Variants in MECOM observed in about 807,000 individuals in gnomAD.
MECOM encodes the protein histone-lysine N-methyltransferase MECOM.
Under a neutral mutation model 116.3 loss-of-function variants are expected in MECOM, and 13 were observed. The ratio of observed to expected loss-of-function variants is 0.11; its 90% CI spans 0.07 to 0.18. MECOM has a LOEUF of 0.18. Ranked by LOEUF, MECOM falls within the 10% of genes least tolerant of loss-of-function variation. The probability of loss-of-function intolerance (pLI) is 1.00; values close to 1 mark genes in which losing one functional copy is unlikely to be tolerated. For missense variants in MECOM, 1,299 were observed against 1,509.0 expected, an observed-to-expected ratio of 0.86 and a Z score of 2.31; for synonymous variants, 528 against 535.2, an observed-to-expected ratio of 0.99 and a Z score of 0.19.
At chr3:169,632,442 C>T (rs1466935856) in intron 1 of MECOM, among the ~76,000 whole-genome samples, 1 of 152,028 alleles carries the variant, frequency 6.6e-6, no homozygotes, top group Non-Finnish European at 1.5e-5. Context: ...ATGACTCAAA[C>T]TCCAAAGAGG....
chr3:169,426,199 T>A (rs1740654759), intron 1 of MECOM, among the ~76,000 whole-genome samples: 2 of 152,196 alleles, frequency 1.3e-5, no homozygotes, highest in Admixed American at 1.3e-4. Flanking sequence ...GTAACACAGA[T>A]TTCTTTTTGC....
At chr3:169,168,172 T>G (rs553174180) in intron 2 of MECOM, among the ~76,000 whole-genome samples, 3 of 152,214 alleles carry the variant, frequency 2.0e-5, no homozygotes, top group East Asian at 3.9e-4. Context: ...ATGCCAATAG[T>G]TTTTTACCTT....
rs1180332102 is a variant in MECOM at position 169,186,378 on chromosome 3, AAGGGAGGGAGGGAGGGAGGGAGGG to A, written c.376-42570_376-42547del. On this transcript the variant is annotated intron_variant, in intron 2 of 16. Coordinates refer to ENST00000651503, the MANE Select transcript of MECOM (RefSeq NM_004991.4). ...GAAGGAAGGAAGGAAGGAAGGAAGG[AAGGGAGGGAGGGAGGGAGGGAGGG>A]AGGGAGGGAGGGAGGGAGGAAACTA... Among the ~76,000 whole-genome samples the A allele has an allele frequency of 6.5e-4, 26 of 39,766 alleles. 1 individual carries two copies. Among genetic ancestry groups the A allele is most frequent in the South Asian group, 2.8e-3 (3 of 1,076 alleles). The allele number at this position is 39,766 out of a possible 152,430, so 26.1% of individuals were successfully genotyped here. A position where few individuals can be genotyped will look rare whatever the true frequency, so the allele number is the denominator to read the frequency against.
At chr3:169,472,642 GGAAAGGAAAA>G (rs1749693305) in intron 1 of MECOM, among the ~76,000 whole-genome samples, 2 of 78,070 alleles carry the variant, frequency 2.6e-5, no homozygotes, top group Non-Finnish European at 4.6e-5. Flanking sequence ...GAAAAGGAAA[GGAAAGGAAAA>G]GAAAAGAAAG....
In MECOM at chr3:169,116,583, T is replaced by G. The variant is rs1324591423; in HGVS notation, c.1289A>C (p.Lys430Thr). Residue 430 changes from lysine (K) to threonine (T), a missense_variant, in exon 8 of 17, where the codon AAG (lysine) becomes ACG (threonine). Transcript: ENST00000651503. ...AAATCCACCTGCCGCAAAATGGTTCTTGCCCTCACAAAACCTCCTGTGTTT... is the reference window on the plus strand; with the variant it reads ...AAATCCACCTGCCGCAAAATGGTTCGTGCCCTCACAAAACCTCCTGTGTTT... ...LNKHRRFCEG[K>T]NHFAAGGFFG... The G allele has an allele frequency of 8.1e-6, 13 of 1,614,098 alleles. No homozygotes were observed. Among genetic ancestry groups the G allele is most frequent in the Non-Finnish European group, 1.0e-5 (12 of 1,180,036 alleles).
intron 2 of MECOM, among the ~76,000 whole-genome samples, chr3:169,210,492 T>C (rs763134336): frequency 6.6e-6 from 1 of 152,188 alleles, no homozygotes; most frequent in Non-Finnish European, 1.5e-5. Context: ...AGTGACATTT[T>C]CACTGACATG....
intron 2 of MECOM, among the ~76,000 whole-genome samples, chr3:169,363,492 G>A (rs543195411): frequency 2.0e-5 from 3 of 151,874 alleles, no homozygotes; most frequent in African/African-American, 4.8e-5. Flanking sequence ...CTTCTTGAGC[G>A]ATCAAGGCAC....
At chr3:169,159,275 T>G (rs1742469042) in intron 2 of MECOM, among the ~76,000 whole-genome samples, 1 of 152,176 alleles carries the variant, frequency 6.6e-6, no homozygotes, top group South Asian at 2.1e-4. Context: ...TCTCTAAAAT[T>G]GCAGGCCAGG....
intron 1 of MECOM, among the ~76,000 whole-genome samples, chr3:169,633,890 T>A (rs1772390940): frequency 8.2e-6 from 1 of 122,218 alleles, no homozygotes; most frequent in African/African-American, 3.2e-5. Flanking sequence ...AGGTAAACAG[T>A]AGTGACCCTG....
intron 1 of MECOM, among the ~76,000 whole-genome samples, chr3:169,480,553 G>A (rs541719666): frequency 6.6e-5 from 10 of 151,824 alleles, no homozygotes; most frequent in South Asian, 6.3e-4. Context: ...ACCTCTTTAC[G>A]TAAATAAGTT....
intron 1 of MECOM, among the ~76,000 whole-genome samples, chr3:169,408,364 G>A (rs763819089): frequency 7.2e-5 from 11 of 152,092 alleles, no homozygotes; most frequent in Admixed American, 2.0e-4. Flanking sequence ...ATAATCAATC[G>A]ACATGCGAGG....
intron 2 of MECOM, among the ~76,000 whole-genome samples, chr3:169,177,777 G>A (rs1185222618): frequency 2.0e-5 from 3 of 151,818 alleles, no homozygotes; most frequent in Non-Finnish European, 4.4e-5. Context: ...AAATAGCTGG[G>A]CATGTTGGCA....
At chr3:169,469,927 C>T (rs765288395) in intron 1 of MECOM, among the ~76,000 whole-genome samples, 10 of 152,152 alleles carry the variant, frequency 6.6e-5, no homozygotes, top group South Asian at 6.2e-4. Flanking sequence ...TAACCCCCAA[C>T]CAGAGAACGT....
chr3:169,558,436 A>AC (rs1762282112), intron 1 of MECOM, among the ~76,000 whole-genome samples: 1 of 152,084 alleles, frequency 6.6e-6, no homozygotes, highest in South Asian at 2.1e-4. Context: ...TCTCTTTCGG[A>AC]CCCCAAGGCA....
intron 1 of MECOM, among the ~76,000 whole-genome samples, chr3:169,385,430 T>C (rs560495243): frequency 2.0e-5 from 3 of 152,158 alleles, no homozygotes; most frequent in South Asian, 4.2e-4. Flanking sequence ...TAAATATATA[T>C]GCAAGTGCAG....
At chr3:169,276,559 A>G (rs1262110291) in intron 2 of MECOM, among the ~76,000 whole-genome samples, 1 of 150,856 alleles carries the variant, frequency 6.6e-6, no homozygotes, top group East Asian at 1.9e-4. Flanking sequence ...CCTCAAAAAA[A>G]AAAAAAAAAA....
At position 169,412,363 on chromosome 3, in the gene MECOM, G is replaced by C. The variant is rs1022619538; in HGVS notation, c.38-30839C>G. ...TAAAAGTTTTTTTTAAATTTATTTG[G>C]GTTATTTTTATTACAATGATCTTAC... On this transcript the variant is annotated intron_variant, in intron 1 of 16. Coordinates refer to ENST00000651503, the MANE Select transcript of MECOM (RefSeq NM_004991.4). Among the ~76,000 whole-genome samples, 3 of 151,440 alleles carry C rather than the reference G, an allele frequency of 2.0e-5. No individual in the cohort carries two copies. The East Asian group carries it at 5.8e-4, about 29-fold the overall frequency.
intron 1 of MECOM, among the ~76,000 whole-genome samples, chr3:169,534,256 C>T (rs1390340788): frequency 6.6e-6 from 1 of 152,202 alleles, no homozygotes; most frequent in East Asian, 1.9e-4. Flanking sequence ...AACATCCCCT[C>T]CATCTGTCCT....
At chr3:169,096,855 C>A (rs1467246899) in intron 12 of MECOM, among the ~76,000 whole-genome samples, 2 of 152,110 alleles carry the variant, frequency 1.3e-5, no homozygotes, top group Non-Finnish European at 2.9e-5. Context: ...GATTTTTCCC[C>A]CTTAAAAAAC....
Sources: allele counts gnomAD v4.1 joint callset (sites outside exome capture counted in the v4.1 genomes callset), GRCh38; gene constraint gnomAD v4.1.1; transcripts MANE v1.5; gene names NCBI Gene and HGNC (gene_info 2026-07-23, HGNC 2026-07-21).